ROBO2: variants seen among roughly 807,000 people sequenced by gnomAD.
ROBO2 encodes the protein roundabout guidance receptor 2.
Under a neutral mutation model 160.8 loss-of-function variants are expected in ROBO2, and 53 were observed. That is an observed-to-expected ratio of 0.33 (90% confidence interval 0.26 to 0.41). The LOEUF is 0.41. Among genes scored for constraint, ROBO2 ranks in the 10% least tolerant of loss-of-function variants. The pLI, the probability that ROBO2 is intolerant of heterozygous loss-of-function variation, is 1.00. For synonymous variants in ROBO2, 664 were observed against 611.7 expected (o/e 1.09, Z -1.26); for missense variants, 1,577 against 1,722.4 (o/e 0.92, Z 1.49).
At chr3:76,384,637 C>T (rs2076794311) in intron 2 of ROBO2, among the ~76,000 whole-genome samples, 1 of 152,094 alleles carries the variant, frequency 6.6e-6, no homozygotes, top group Non-Finnish European at 1.5e-5. Flanking sequence ...CTGGGGAGGC[C>T]TCAAGAAACT....
At chr3:76,640,829 C>G (rs1042680570) in intron 2 of ROBO2, among the ~76,000 whole-genome samples, 1 of 151,654 alleles carries the variant, frequency 6.6e-6, no homozygotes, top group Non-Finnish European at 1.5e-5. Context: ...TAAGGACGTT[C>G]TCAAAAAAAA....
intron 6 of ROBO2, among the ~76,000 whole-genome samples, chr3:77,534,312 T>C (rs1252369847): frequency 2.6e-5 from 4 of 152,006 alleles, no homozygotes; most frequent in Admixed American, 6.6e-5. Flanking sequence ...AAGAATAAAA[T>C]AAATATTAAG....
chr3:75,978,038 A>G (rs1487852675), intron 2 of ROBO2, among the ~76,000 whole-genome samples: 1 of 151,594 alleles, frequency 6.6e-6, no homozygotes, highest in East Asian at 1.9e-4. Context: ...CAATTTTTCA[A>G]AATAGTGATA....
intron 2 of ROBO2, among the ~76,000 whole-genome samples, chr3:76,119,842 C>G (rs985196124): frequency 6.6e-6 from 1 of 151,234 alleles, no homozygotes; most frequent in Admixed American, 6.6e-5. Flanking sequence ...TCTTGCTTTC[C>G]TTTCTCTCTC....
chr3:76,619,213 G>T (rs952417197), intron 2 of ROBO2, among the ~76,000 whole-genome samples: 51 of 151,618 alleles, frequency 3.4e-4, no homozygotes, highest in African/African-American at 1.2e-3. Context: ...GGTAGCGGGC[G>T]CCTGTAGTCC....
intron 2 of ROBO2, among the ~76,000 whole-genome samples, chr3:77,467,640 A>C (rs917542441): frequency 6.6e-6 from 1 of 151,266 alleles, no homozygotes; most frequent in African/African-American, 2.4e-5. Flanking sequence ...TCATCTATCT[A>C]TCTATTTATA....
At chr3:76,729,275 G>A (rs1006093311) in intron 2 of ROBO2, among the ~76,000 whole-genome samples, 3 of 151,352 alleles carry the variant, frequency 2.0e-5, no homozygotes, top group Admixed American at 6.6e-5. Flanking sequence ...CAATTACCAA[G>A]GTTTTCTAAT....
At chr3:75,911,848 G>A (rs368671825) in intron 1 of ROBO2, among the ~76,000 whole-genome samples, 1 of 152,060 alleles carries the variant, frequency 6.6e-6, no homozygotes. Flanking sequence ...GAGCCACCGC[G>A]CCCTGCCGAA....
At chr3:76,182,316 T>C (rs1174594956) in intron 2 of ROBO2, among the ~76,000 whole-genome samples, 1 of 152,158 alleles carries the variant, frequency 6.6e-6, no homozygotes, top group African/African-American at 2.4e-5. Flanking sequence ...CTTTAATTCA[T>C]GATCCAGAAA....
intron 2 of ROBO2, among the ~76,000 whole-genome samples, chr3:77,320,906 G>C (rs1385190242): frequency 6.6e-6 from 1 of 152,070 alleles, no homozygotes; most frequent in Non-Finnish European, 1.5e-5. Context: ...AAAAAGTTTA[G>C]AAATCTTTTC....
At chr3:76,331,169 G>C (rs558633341) in intron 2 of ROBO2, among the ~76,000 whole-genome samples, 3 of 152,040 alleles carry the variant, frequency 2.0e-5, no homozygotes, top group Non-Finnish European at 4.4e-5. Flanking sequence ...TATTAAGCAA[G>C]TTTTCTAAGA....
intron 2 of ROBO2, among the ~76,000 whole-genome samples, chr3:76,425,578 G>C (rs982954630): frequency 6.6e-6 from 1 of 151,352 alleles, no homozygotes; most frequent in African/African-American, 2.4e-5. Flanking sequence ...CAATGCCTAG[G>C]ATAAAACTGC....
At chr3:76,741,874 G>T (rs2108049357) in intron 2 of ROBO2, among the ~76,000 whole-genome samples, 1 of 151,932 alleles carries the variant, frequency 6.6e-6, no homozygotes, top group Non-Finnish European at 1.5e-5. Context: ...TATACTTTAG[G>T]GCATTGAGAG....
At chr3:76,548,822 A>G (rs1044767977) in intron 2 of ROBO2, among the ~76,000 whole-genome samples, 5 of 152,146 alleles carry the variant, frequency 3.3e-5, no homozygotes, top group African/African-American at 1.2e-4. Context: ...GTCTCTAAAC[A>G]AGAAAGCATT....
chr3:76,194,712 C>T (rs1702179270), intron 2 of ROBO2, among the ~76,000 whole-genome samples: 1 of 151,892 alleles, frequency 6.6e-6, no homozygotes, highest in South Asian at 2.1e-4. Context: ...CTCCGACTCC[C>T]TGGTTCAAGT....
intron 2 of ROBO2, among the ~76,000 whole-genome samples, chr3:76,927,242 CATA>C (rs891676284): frequency 6.6e-6 from 1 of 152,002 alleles, no homozygotes; most frequent in Admixed American, 6.6e-5. Flanking sequence ...AATACATTCC[CATA>C]ATGTTTGTTG....
chr3:76,703,863 C>A (rs1367918463), intron 2 of ROBO2, among the ~76,000 whole-genome samples: 2 of 152,002 alleles, frequency 1.3e-5, no homozygotes, highest in Non-Finnish European at 2.9e-5. Flanking sequence ...ATTTATAATC[C>A]TTTGGGTATA....
In ROBO2 at chr3:77,602,351, C is replaced by T. The variant is rs945029958; in HGVS notation, c.2996C>T (p.Thr999Met). The T allele has an allele frequency of 1.4e-5, 23 of 1,613,960 alleles. No individual in the cohort carries two copies. Among genetic ancestry groups the T allele is most frequent in the African/African-American group, 2.7e-5 (2 of 74,870 alleles). ...ATAACACAGGCTACCCCATATGCCA[C>T]GACACAGATCTTGCATTCCAACAGC... is the stretch of plus-strand genomic sequence containing the variant. Residue 999 changes from threonine (T) to methionine (M), a missense_variant, in exon 20 of 26, where the codon ACG (threonine) becomes ATG (methionine). Coordinates refer to ENST00000461745, the Ensembl canonical transcript of ROBO2.
rs544511589 is a variant in ROBO2 at position 76,593,256 on chromosome 3, A to G, written c.110-504758A>G. Among the ~76,000 whole-genome samples the G allele has an allele frequency of 5.9e-5, 9 of 152,200 alleles. No individual in the cohort carries two copies. The East Asian group carries it at 1.5e-3, about 26-fold the overall frequency. ...GTGTGTGTGACATTAAGAATGCTGT[A>G]ATCCCAGCTTTCTTTCTAGAGTTGT... is the stretch of plus-strand genomic sequence containing the variant. On this transcript the variant is annotated intron_variant, in intron 2 of 26. Coordinates refer to the ROBO2 transcript ENST00000487694.
Sources: gnomAD v4.1 joint callset for allele counts (sites outside exome capture counted in the v4.1 genomes callset) on GRCh38, gnomAD v4.1.1 for gene constraint, MANE v1.5 for transcripts, NCBI Gene and HGNC (gene_info 2026-07-23, HGNC 2026-07-21) for gene names.